Variants in IGF1 observed in about 807,000 individuals in gnomAD.
IGF1 encodes the protein insulin like growth factor 1.
IGF1 carries 4 observed loss-of-function variants against 13.8 expected under a neutral mutation model. That is an observed-to-expected ratio of 0.29 (90% CI 0.14 to 0.66). The LOEUF (loss-of-function observed/expected upper bound fraction) is 0.66, where lower values mean the gene tolerates loss of function less well. Ranked by LOEUF, IGF1 falls within the 30% of genes least tolerant of loss-of-function variation. The pLI is 0.78. For missense variants in IGF1, 124 were observed against 188.5 expected (o/e 0.66, Z 2.00); for synonymous variants, 76 against 72.6 (o/e 1.05, Z -0.23).
At chr12:102,464,741 C>A (rs2137216831) in intron 2 of IGF1, among the ~76,000 whole-genome samples, 1 of 152,058 alleles carries the variant, frequency 6.6e-6, no homozygotes, top group East Asian at 1.9e-4. Context: ...CATTCTCAAA[C>A]AAAAAAATTT....
intron 1 of IGF1, 95 bp from the exon 2 acceptor site, chr12:102,475,894 G>T: frequency 1.6e-6 from 2 of 1,284,220 alleles, no homozygotes; most frequent in Non-Finnish European, 2.2e-6. Flanking sequence ...ACGATTCCAC[G>T]ACTGTCATTA....
chr12:102,449,835 A>T (rs1194239974), intron 2 of IGF1, among the ~76,000 whole-genome samples: 1 of 151,994 alleles, frequency 6.6e-6, no homozygotes, highest in East Asian at 1.9e-4. Context: ...TGCCCTCTGG[A>T]TCACCTGGGC....
At chr12:102,471,930 TC>T (rs962345498) in intron 2 of IGF1, among the ~76,000 whole-genome samples, 1 of 152,172 alleles carries the variant, frequency 6.6e-6, no homozygotes, top group African/African-American at 2.4e-5. Flanking sequence ...AAAAATTATA[TC>T]TATGGTAAGC....
intron 2 of IGF1, among the ~76,000 whole-genome samples, chr12:102,443,165 C>T (rs1878017568): frequency 6.6e-6 from 1 of 152,084 alleles, no homozygotes; most frequent in Non-Finnish European, 1.5e-5. Flanking sequence ...TATTTTCCCT[C>T]TTTCTGCAGT....
At chr12:102,419,316 C>T (rs147634945) in intron 3 of IGF1, among the ~76,000 whole-genome samples, 193 bp downstream of exon 3, 1 of 152,294 alleles carries the variant, frequency 6.6e-6, no homozygotes, top group African/African-American at 2.4e-5. Context: ...TCACATCGTC[C>T]ATAGCGGTGG....
chr12:102,417,118 T>C (rs1389657712), intron 3 of IGF1, among the ~76,000 whole-genome samples: 1 of 152,182 alleles, frequency 6.6e-6, no homozygotes, highest in Non-Finnish European at 1.5e-5. Context: ...TATGAAAAAA[T>C]CAATTTCTGT....
At chr12:102,479,960 A>G (rs965093545) in intron 1 of IGF1, among the ~76,000 whole-genome samples, 1 of 129,962 alleles carries the variant, frequency 7.7e-6, no homozygotes, top group Non-Finnish European at 1.6e-5. Context: ...AAAATAAAAC[A>G]TCTGCACCTG....
chr12:102,471,984 T>A (rs1018285494), intron 2 of IGF1, among the ~76,000 whole-genome samples: 1 of 152,156 alleles, frequency 6.6e-6, no homozygotes, highest in Non-Finnish European at 1.5e-5. Flanking sequence ...TCTCTTGGTG[T>A]TTTTCATGCA....
At chr12:102,453,610 G>T (rs879801918) in intron 2 of IGF1, among the ~76,000 whole-genome samples, 2 of 152,200 alleles carry the variant, frequency 1.3e-5, no homozygotes, top group Non-Finnish European at 2.9e-5. Context: ...AACAGGGAAA[G>T]ATAAGTTTCT....
At chr12:102,431,760 C>CTTTCA (rs1876759668) in intron 2 of IGF1, among the ~76,000 whole-genome samples, 1 of 152,106 alleles carries the variant, frequency 6.6e-6, no homozygotes, top group Non-Finnish European at 1.5e-5. Flanking sequence ...GACCCACTAA[C>CTTTCA]CCCAGGATTT....
intron 3 of IGF1, among the ~76,000 whole-genome samples, chr12:102,410,121 A>T (rs1228225052): frequency 6.6e-6 from 1 of 152,126 alleles, no homozygotes; most frequent in African/African-American, 2.4e-5. Flanking sequence ...TTTAAAGACT[A>T]CCACCTGACT....
chr12:102,428,721 C>G (rs916957994), intron 2 of IGF1, among the ~76,000 whole-genome samples: 1 of 152,162 alleles, frequency 6.6e-6, no homozygotes, highest in African/African-American at 2.4e-5. Context: ...TCTTTCGGCC[C>G]CAGGAGGACT....
chr12:102,447,350 G>A (rs1198220624), intron 2 of IGF1, among the ~76,000 whole-genome samples: 1 of 152,144 alleles, frequency 6.6e-6, no homozygotes, highest in African/African-American at 2.4e-5. Flanking sequence ...GCATTATTGT[G>A]TGGGACTCTA....
chr12:102,471,779 A>T (rs778557705), intron 2 of IGF1, among the ~76,000 whole-genome samples: 2 of 152,204 alleles, frequency 1.3e-5, no homozygotes, highest in Non-Finnish European at 2.9e-5. Context: ...AAAAGACCCC[A>T]GAAACTCTCT....
At chr12:102,475,328 C>A (rs1880949064) in intron 2 of IGF1, among the ~76,000 whole-genome samples, 1 of 152,036 alleles carries the variant, frequency 6.6e-6, no homozygotes, top group South Asian at 2.1e-4. Flanking sequence ...AACATCAATA[C>A]CTCAGGGTTA....
chr12:102,450,844 AT>A (rs1214835875), intron 2 of IGF1, among the ~76,000 whole-genome samples: 1 of 152,166 alleles, frequency 6.6e-6, no homozygotes, highest in Non-Finnish European at 1.5e-5. Flanking sequence ...ATCTTGGGTC[AT>A]TTCTCCTAAA....
chr12:102,419,884 AC>A (rs1172288561), intron 2 of IGF1, among the ~76,000 whole-genome samples, 194 bp from the exon 3 acceptor site: 8 of 152,162 alleles, frequency 5.3e-5, no homozygotes, highest in African/African-American at 1.9e-4. Context: ...CGGAGTCTGT[AC>A]CACACTCATT....
intron 2 of IGF1, among the ~76,000 whole-genome samples, chr12:102,420,031 A>C (rs546458915): frequency 6.6e-6 from 1 of 152,338 alleles, no homozygotes; most frequent in African/African-American, 2.4e-5. Flanking sequence ...ATATTAAAAT[A>C]AGATCATGCA....
At chr12:102,437,502 G>A (rs1469276649) in intron 2 of IGF1, among the ~76,000 whole-genome samples, 1 of 152,212 alleles carries the variant, frequency 6.6e-6, no homozygotes, top group African/African-American at 2.4e-5. Flanking sequence ...TGCTTTTGGG[G>A]TCTTGTCCAA....
Sources: gnomAD v4.1 joint callset for allele counts (sites outside exome capture counted in the v4.1 genomes callset) on GRCh38, gnomAD v4.1.1 for gene constraint, MANE v1.5 for transcripts, NCBI Gene and HGNC (gene_info 2026-07-23, HGNC 2026-07-21) for gene names.